The following MOSPD1 variants were observed in gnomAD, a reference collection of about 807,000 sequenced individuals.
MOSPD1 encodes the protein motile sperm domain containing 1.
A neutral mutation model predicts 16.7 loss-of-function variants in MOSPD1; 5 were observed. The ratio of observed to expected loss-of-function variants is 0.30; its 90% CI spans 0.16 to 0.63. The LOEUF is 0.63. Among genes scored for constraint, MOSPD1 ranks in the 30% least tolerant of loss-of-function variants. The pLI, the probability that MOSPD1 is intolerant of heterozygous loss-of-function variation, is 0.82. For missense variants in MOSPD1, 104 were observed against 153.6 expected, an observed-to-expected ratio of 0.68 and a Z score of 1.71; for synonymous variants, 67 against 59.2, an observed-to-expected ratio of 1.13 and a Z score of -0.61.
intron 1 of MOSPD1, among the ~76,000 whole-genome samples, chrX:134,907,221 C>T (rs2082947885): frequency 1.8e-5 from 2 of 110,740 alleles, no homozygotes; most frequent in African/African-American, 6.6e-5. Context: ...GAGCGAAACT[C>T]CATCTCAAAA....
At chrX:134,906,671 T>C (rs1478735951) in intron 1 of MOSPD1, among the ~76,000 whole-genome samples, 2 of 111,651 alleles carry the variant, frequency 1.8e-5, no homozygotes, top group South Asian at 7.4e-4. Flanking sequence ...TATTACAAAA[T>C]GATAAAGTGC....
intron 1 of MOSPD1, among the ~76,000 whole-genome samples, chrX:134,906,163 C>T (rs1051358797): frequency 4.1e-5 from 4 of 96,617 alleles, no homozygotes; most frequent in Non-Finnish European, 8.3e-5. Flanking sequence ...TATCTCTGTT[C>T]CCATTTATCA....
intron 5 of MOSPD1, among the ~76,000 whole-genome samples, chrX:134,891,060 A>G (rs2082860959): frequency 8.9e-6 from 1 of 111,798 alleles, no homozygotes. Context: ...GGTTCTGAAC[A>G]TGGTGGCTTC....
chrX:134,904,304 C>T lies in MOSPD1; in HGVS notation c.-101-4770G>A, dbSNP rs145697509. Among the ~76,000 whole-genome samples the T allele has an allele frequency of 4.1e-3, 458 of 112,026 alleles. 2 individuals are homozygous for T. The highest frequency in any genetic ancestry group is 0.014 in the African/African-American group (427 of 30,859). ...AAATTTTGATAGCATATGATGGGAA[C>T]GATCAAGCATGTGCTTACATTGCTT... On this transcript the variant is annotated intron_variant, in intron 1 of 5. Coordinates refer to ENST00000370783, the MANE Select transcript of MOSPD1 (RefSeq NM_019556.3).
intron 1 of MOSPD1, 21 bp from the exon 2 acceptor site, chrX:134,899,555 C>T (rs958474824): frequency 1.7e-5 from 12 of 702,553 alleles, no homozygotes; most frequent in Admixed American, 3.8e-5. Flanking sequence ...AAGGAGAAAG[C>T]GAGAAGAAAA....
intron 5 of MOSPD1, among the ~76,000 whole-genome samples, chrX:134,890,188 G>A (rs2148389387): frequency 9.0e-6 from 1 of 110,726 alleles, no homozygotes. Context: ...GGCCGCTAGA[G>A]GAGCTTTTCC....
rs2082846431 is a variant in MOSPD1 at position 134,888,743 on chromosome X, A to G, written c.*418T>C. ...TAGAGGGCAAGGTATAATTAACATA[A>G]TAACGCTGATGTTTGTAGCTAGGGA... On this transcript the variant is annotated 3_prime_UTR_variant, in exon 6 of 6. Transcript: ENST00000370783. 2 of 112,514 alleles carry G rather than the reference A, an allele frequency of 1.8e-5. No individual in the cohort carries two copies. Among genetic ancestry groups the G allele is most frequent in the Non-Finnish European group, 3.7e-5 (2 of 53,490 alleles). 9.3% of individuals were successfully genotyped at this position (112,514 alleles called of 1,213,427 possible). A position where few individuals can be genotyped will look rare whatever the true frequency, so the allele number is the denominator to read the frequency against.
At chrX:134,890,255 AG>A (rs1414793631) in intron 5 of MOSPD1, among the ~76,000 whole-genome samples, 1 of 110,550 alleles carries the variant, frequency 9.0e-6, no homozygotes, top group Non-Finnish European at 1.9e-5. Context: ...TGAAGTAGCT[AG>A]ATAAAATTGG....
intron 3 of MOSPD1, chrX:134,898,887 T>C (rs2082898499): frequency 2.6e-6 from 1 of 382,342 alleles, no homozygotes; most frequent in East Asian, 4.2e-5. Context: ...AACATATACA[T>C]GAGCTCCAAC....
chrX:134,899,380 G>A lies in MOSPD1; in HGVS notation c.54C>T (p.Phe18=), dbSNP rs751547031. The A allele has an allele frequency of 6.7e-6, 8 of 1,195,138 alleles. No homozygotes were observed. The highest frequency in any genetic ancestry group is 2.3e-4 in the Middle Eastern group (1 of 4,280). Residue 18 remains phenylalanine (F), a synonymous_variant, in exon 2 of 6, where the codon TTC becomes TTT. Coordinates refer to ENST00000370783, the MANE Select transcript of MOSPD1 (RefSeq NM_019556.3). ...AAAATATGAGCTCCGTGGGGAACAC[G>A]AAAACAGGAAGATTTCCTTCCACTA... The part of the protein sequence containing the change: ...PELVEGNLPV[F]VFPTELIFYA...
intron 1 of MOSPD1, among the ~76,000 whole-genome samples, chrX:134,904,389 G>C (rs1427982662): frequency 8.9e-6 from 1 of 112,278 alleles, no homozygotes; most frequent in Non-Finnish European, 1.9e-5. Flanking sequence ...CATAGCCTCA[G>C]TTCCAGAGAT....
chrX:134,891,307 A>T (rs1417989032), intron 5 of MOSPD1, among the ~76,000 whole-genome samples, 172 bp downstream of exon 5: 2 of 109,802 alleles, frequency 1.8e-5, no homozygotes, highest in Non-Finnish European at 3.8e-5. Context: ...AATAAGCTAA[A>T]AAGAACTAAA....
chrX:134,908,104 G>A (rs1174910612), intron 1 of MOSPD1, among the ~76,000 whole-genome samples: 8 of 112,408 alleles, frequency 7.1e-5, no homozygotes, highest in Non-Finnish European at 1.3e-4. Context: ...TGTTTTGTGT[G>A]CATTAATTTT....
chrX:134,901,058 T>C (rs1309076221), intron 1 of MOSPD1, among the ~76,000 whole-genome samples: 2 of 111,792 alleles, frequency 1.8e-5, no homozygotes, highest in Non-Finnish European at 3.8e-5. Flanking sequence ...GCTCGTATGC[T>C]CTGATTCTGA....
At chrX:134,913,141 AG>A (rs200570945) in intron 1 of MOSPD1, among the ~76,000 whole-genome samples, 2 of 110,161 alleles carry the variant, frequency 1.8e-5, no homozygotes, top group African/African-American at 6.6e-5. Context: ...TGGGAGACCG[AG>A]GGGGGGCAGA....
At chrX:134,898,882 A>T in intron 3 of MOSPD1, 1 of 379,134 alleles carries the variant, frequency 2.6e-6, no homozygotes, top group Non-Finnish European at 4.6e-6. Context: ...ATACTAACAT[A>T]TACATGAGCT....
chrX:134,888,498 C>T lies in MOSPD1; in HGVS notation c.*663G>A, dbSNP rs762548238. The T allele has an allele frequency of 1.6e-3, 182 of 111,019 alleles. No individual in the cohort carries two copies. Among genetic ancestry groups the T allele is most frequent in the African/African-American group, 5.4e-3 (165 of 30,474 alleles). 9.1% of individuals were successfully genotyped at this position (111,019 alleles called of 1,213,427 possible). Reference sequence around the variant, plus strand: ...GAACTCTTAGACCAAAGAGAGAGGTCACCCTACTTCTATTAGGTTTTTTAA... The same window carrying T: ...GAACTCTTAGACCAAAGAGAGAGGTTACCCTACTTCTATTAGGTTTTTTAA... On this transcript the variant is annotated 3_prime_UTR_variant, in exon 6 of 6. Transcript: ENST00000370783.
intron 1 of MOSPD1, among the ~76,000 whole-genome samples, chrX:134,909,592 C>T (rs1403027629): frequency 8.9e-6 from 1 of 112,016 alleles, no homozygotes. Flanking sequence ...TTCCTTTAGT[C>T]TCACTAGCAT....
At chrX:134,911,045 A>G (rs1337693079) in intron 1 of MOSPD1, among the ~76,000 whole-genome samples, 1 of 112,305 alleles carries the variant, frequency 8.9e-6, no homozygotes, top group East Asian at 2.8e-4. Flanking sequence ...TTTTTTAAAT[A>G]TAGGGATAAG....
Sources: gnomAD v4.1 joint callset for allele counts (sites outside exome capture counted in the v4.1 genomes callset) on GRCh38, gnomAD v4.1.1 for gene constraint, MANE v1.5 for transcripts, NCBI Gene and HGNC (gene_info 2026-07-23, HGNC 2026-07-21) for gene names.